The following SLC26A8 variants were observed in gnomAD, a reference collection of about 807,000 sequenced individuals.
The protein encoded by SLC26A8 is solute carrier family 26 member 8.
A neutral mutation model predicts 105.0 loss-of-function variants in SLC26A8; 70 were observed. That is an observed-to-expected ratio of 0.67 (90% CI 0.55 to 0.81). SLC26A8 has a LOEUF of 0.81. Ranked by LOEUF, SLC26A8 falls within the 40% of genes least tolerant of loss-of-function variation. SLC26A8 has a pLI of 0.00. For missense variants in SLC26A8, 998 were observed against 1,181.8 expected (o/e 0.84, Z 2.28); for synonymous variants, 415 against 438.3 (o/e 0.95, Z 0.66).
chr6:35,991,697 T>A lies in SLC26A8; in HGVS notation c.904A>T (p.Asn302Tyr), dbSNP rs766309755. ...ATGGGAAACTCAATGGGATACTGAT[T>A]GAAAGAAATTCTGATACATTTGTTG... is the stretch of plus-strand genomic sequence containing the variant. ...RINKCIRISF[N>Y]QYPIEFPMEL... Residue 302 changes from asparagine (N) to tyrosine (Y), a missense_variant, in exon 7 of 20, where the codon AAT becomes TAT. By Grantham distance (143) the Asn-to-Tyr change is moderately radical. Transcript: ENST00000490799. The A allele has an allele frequency of 2.5e-6, 4 of 1,604,350 alleles. No homozygotes were observed. The South Asian group carries it at 4.5e-5, about 18-fold the overall frequency.
In SLC26A8 at chr6:35,944,090, G is replaced by A. The variant is rs747416961; in HGVS notation, c.2723C>T (p.Pro908Leu). 1 of 1,614,088 alleles carries A rather than the reference G, an allele frequency of 6.2e-7. No homozygotes were observed. The highest frequency in any genetic ancestry group is 1.1e-5 in the South Asian group (1 of 91,082). ...AGATTTGGGGTTGGGCTCCATCTCA[G>A]GCTCAGTCTCAGGCTGGGGCTCCAT... ...TEMEPQPETEPEMEPNPKSRP... is the reference protein window; with the variant it reads ...TEMEPQPETELEMEPNPKSRP... Residue 908 changes from proline to leucine, a missense_variant, in exon 20 of 20, where the codon CCT becomes CTT. Transcript: ENST00000490799.
rs193054248 is a variant in SLC26A8 at position 35,955,164 on chromosome 6, G to A, written c.2220C>T (p.Val740=). The A allele has an allele frequency of 7.0e-5, 113 of 1,613,894 alleles. No individual in the cohort carries two copies. Among genetic ancestry groups the A allele is most frequent in the Non-Finnish European group, 9.1e-5 (107 of 1,180,012 alleles). Residue 740 remains valine (V), a synonymous_variant, in exon 17 of 20, where the codon GTC becomes GTT. Transcript: ENST00000490799. ...CCTCAGTACTTACCTGTCTTAATAC[G>A]ACTAACCCCCGTGAATCCACGTAGT... ...MVHYVDSRGL[V]VLRQICNAFQ...
intron 19 of SLC26A8, among the ~76,000 whole-genome samples, chr6:35,946,996 T>C (rs1771699646): frequency 1.3e-5 from 2 of 151,864 alleles, no homozygotes; most frequent in Admixed American, 6.6e-5. Context: ...GGCTGATATG[T>C]CCATCTTAAA....
intron 10 of SLC26A8, among the ~76,000 whole-genome samples, chr6:35,970,167 CT>C (rs1772731944): frequency 6.6e-6 from 1 of 152,116 alleles, no homozygotes; most frequent in Non-Finnish European, 1.5e-5. Context: ...CTGAGGGGGT[CT>C]CTCGATTCTA....
intron 1 of SLC26A8, among the ~76,000 whole-genome samples, chr6:36,022,049 C>G (rs1282872433): frequency 2.0e-5 from 3 of 152,006 alleles, no homozygotes; most frequent in Non-Finnish European, 4.4e-5. Context: ...CTCACTGCAA[C>G]CTCCACCTCC....
intron 1 of SLC26A8, among the ~76,000 whole-genome samples, chr6:36,022,793 C>T (rs1387049900): frequency 1.3e-5 from 2 of 151,674 alleles, no homozygotes; most frequent in Non-Finnish European, 2.9e-5. Flanking sequence ...TTCTTGATTT[C>T]ATAGAAATCC....
chr6:35,992,202 A>T (rs144085916), intron 6 of SLC26A8, among the ~76,000 whole-genome samples: 347 of 152,272 alleles, frequency 2.3e-3, no homozygotes, highest in African/African-American at 7.7e-3. Context: ...CTGTTATAAG[A>T]TAGGTAATGA....
At chr6:35,985,692 CAAAAAAAAAAA>C (rs58199602) in intron 7 of SLC26A8, among the ~76,000 whole-genome samples, 27 of 46,950 alleles carry the variant, frequency 5.8e-4, no homozygotes, top group Non-Finnish European at 8.7e-4. Context: ...GACTCCGTCT[CAAAAAAAAAAA>C]AAAAAAAAAA....
chr6:35,946,403 A>C (rs572131545), intron 19 of SLC26A8, among the ~76,000 whole-genome samples: 1 of 152,090 alleles, frequency 6.6e-6, no homozygotes, highest in East Asian at 1.9e-4. Flanking sequence ...CACCCGACTA[A>C]TTTTCGTATT....
chr6:35,954,275 T>C (rs1039219578), intron 17 of SLC26A8, among the ~76,000 whole-genome samples: 7 of 152,170 alleles, frequency 4.6e-5, no homozygotes, highest in Non-Finnish European at 1.0e-4. Context: ...ATCATCCTTG[T>C]CCTTTTCACC....
intron 17 of SLC26A8, among the ~76,000 whole-genome samples, chr6:35,952,289 A>G (rs765574266): frequency 6.6e-6 from 1 of 152,178 alleles, no homozygotes; most frequent in Non-Finnish European, 1.5e-5. Context: ...CAAGTGATGC[A>G]GTAGGGAACG....
chr6:35,955,570 C>G (rs756492223), intron 16 of SLC26A8, 50 bp from the exon 17 acceptor site: 1 of 1,588,796 alleles, frequency 6.3e-7, no homozygotes. Context: ...CAACAAGGGC[C>G]GGAAGGACTT....
At chr6:35,963,535 A>G (rs189031943) in intron 11 of SLC26A8, among the ~76,000 whole-genome samples, 1 of 152,258 alleles carries the variant, frequency 6.6e-6, no homozygotes, top group East Asian at 1.9e-4. Flanking sequence ...TTTCAAACCT[A>G]TACTATTGTC....
intron 7 of SLC26A8, among the ~76,000 whole-genome samples, chr6:35,986,068 CTT>C (rs1202030921): frequency 1.7e-3 from 89 of 52,478 alleles, no homozygotes; most frequent in African/African-American, 5.3e-3. Context: ...GAGTTTTGCT[CTT>C]GTTGCCCAGG....
intron 10 of SLC26A8, among the ~76,000 whole-genome samples, chr6:35,971,922 A>G (rs982069675): frequency 1.5e-4 from 23 of 152,200 alleles, no homozygotes; most frequent in African/African-American, 5.5e-4. Flanking sequence ...GAATAGGATG[A>G]CCAGAAAGAT....
intron 5 of SLC26A8, among the ~76,000 whole-genome samples, chr6:35,996,551 T>C (rs1351275992): frequency 6.6e-6 from 1 of 152,122 alleles, no homozygotes; most frequent in East Asian, 1.9e-4. Flanking sequence ...ATTTTTATTA[T>C]TATTATTATT....
At chr6:35,965,682 C>CA (rs1293607391) in intron 11 of SLC26A8, among the ~76,000 whole-genome samples, 1,057 of 68,824 alleles carry the variant, frequency 0.015, 15 homozygotes, top group Admixed American at 0.066. Context: ...AACTCCATCT[C>CA]AAAAAAAAAA....
Position 35,959,602 on chromosome 6 carries a change from TGA to T in SLC26A8, c.1732-13_1732-12del. 6.2e-7 allele frequency: 1 copy of T among 1,611,574 alleles called. No individual in the cohort carries two copies. The highest frequency in any genetic ancestry group is 8.5e-7 in the Non-Finnish European group (1 of 1,179,356). On this transcript the variant is annotated splice_polypyrimidine_tract_variant and intron_variant, in intron 15 of 19. Coordinates refer to ENST00000490799, the MANE Select transcript of SLC26A8 (RefSeq NM_052961.4). ...CTTTACCATATCAACCTGAAAGACA[TGA>T]GAGGTCTCATCCAGAGGAAGAATGG...
chr6:35,975,926 A>T (rs1375123688), intron 9 of SLC26A8, among the ~76,000 whole-genome samples: 1 of 151,748 alleles, frequency 6.6e-6, no homozygotes, highest in Non-Finnish European at 1.5e-5. Flanking sequence ...AAAAAAAAAA[A>T]AAAAAAAAAT....
Sources: gnomAD v4.1 joint callset for allele counts (sites outside exome capture counted in the v4.1 genomes callset) on GRCh38, gnomAD v4.1.1 for gene constraint, MANE v1.5 for transcripts, NCBI Gene and HGNC (gene_info 2026-07-23, HGNC 2026-07-21) for gene names.